Variants in TMIGD3 observed in about 807,000 individuals in gnomAD.
TMIGD3 encodes the protein AD026 protein (AD026).
A neutral mutation model predicts 28.1 loss-of-function variants in TMIGD3; 21 were observed. That is an observed-to-expected ratio of 0.75 (90% CI 0.53 to 1.08). The LOEUF (loss-of-function observed/expected upper bound fraction) is 1.08. Among genes scored for constraint, TMIGD3 ranks in the 50% least tolerant of loss-of-function variants. TMIGD3 has a pLI of 0.00. For synonymous variants in TMIGD3, 151 were observed against 162.1 expected, an observed-to-expected ratio of 0.93 and a Z score of 0.52; for missense variants, 416 against 435.6, an observed-to-expected ratio of 0.96 and a Z score of 0.40.
At chr1:111,536,019 A>G (rs76217502) in intron 1 of TMIGD3, among the ~76,000 whole-genome samples, 285 of 152,268 alleles carry the variant, frequency 1.9e-3, no homozygotes, top group Non-Finnish European at 3.6e-3. Context: ...TCAACTCTGC[A>G]AGAGAATTTC....
chr1:111,529,907 GGCCGGGC>G (rs1557837475), intron 1 of TMIGD3, among the ~76,000 whole-genome samples: 2 of 148,338 alleles, frequency 1.3e-5, no homozygotes, highest in African/African-American at 5.1e-5. Flanking sequence ...CGGGGCGGCT[GGCCGGGC>G]AGAGGGGCTC....
chr1:111,557,860 G>A (rs572151123), intron 1 of TMIGD3, among the ~76,000 whole-genome samples: 27 of 152,248 alleles, frequency 1.8e-4, no homozygotes, highest in Admixed American at 1.8e-3. Context: ...AGATTAATCT[G>A]AGTAACAGCA....
intron 1 of TMIGD3, 148 bp downstream of exon 1, chr1:111,502,857 A>G: frequency 5.0e-6 from 5 of 1,002,400 alleles, no homozygotes; most frequent in Non-Finnish European, 7.2e-6. Context: ...ACCCCCTCAC[A>G]GACCATATCA....
rs1211485093 is a variant in TMIGD3, at chr1:111,522,962, T to A, written c.108-32200A>T. Among the ~76,000 whole-genome samples the A allele has an allele frequency of 3.9e-5, 6 of 152,348 alleles. No homozygotes were observed. In the East Asian group the frequency reaches 1.2e-3, roughly 29 times the overall value. Reference sequence around the variant, plus strand: ...AGAAGTCATACTCATCCCTTTTCAATCAGAATGTCTATTACTTCTTTTTCT... The same window carrying A: ...AGAAGTCATACTCATCCCTTTTCAAACAGAATGTCTATTACTTCTTTTTCT... On this transcript the variant is annotated intron_variant, in intron 1 of 5. Transcript: ENST00000369717.
Position 111,485,726 on chromosome 1 carries a change from C to CAAAATCAA in TMIGD3, c.973+13_973+14insTTGATTTT. 8.2e-6 allele frequency: 7 copies of CAAAATCAA among 850,648 alleles called. No homozygotes were observed. Among genetic ancestry groups the CAAAATCAA allele is most frequent in the Non-Finnish European group, 1.1e-5 (6 of 522,900 alleles). The allele number at this position is 850,648 out of a possible 1,614,324, so 52.7% of individuals were successfully genotyped here. On this transcript the variant is annotated intron_variant, in intron 5 of 5. Transcript: ENST00000369716. ...AATTCTTGCCCACCCCCTCCCTCAA[C>CAAAATCAA]AATAGCTACTTACCCCTTCTATTCC...
chr1:111,516,395 G>T (rs1452664201), intron 1 of TMIGD3, among the ~76,000 whole-genome samples: 1 of 152,204 alleles, frequency 6.6e-6, no homozygotes, highest in Non-Finnish European at 1.5e-5. Flanking sequence ...GCCGGGCTTG[G>T]AGCACATCTC....
In TMIGD3 at chr1:111,489,693, C is replaced by A. The variant is rs1199915540; in HGVS notation, c.458-669G>T. 10 of 1,095,714 alleles carry A rather than the reference C, an allele frequency of 9.1e-6. No homozygotes were observed. In the Admixed American group the frequency reaches 4.4e-4, roughly 48 times the overall value. 67.9% of individuals were successfully genotyped at this position (1,095,714 alleles called of 1,614,324 possible). On this transcript the variant is annotated intron_variant, in intron 2 of 5. Transcript: ENST00000369716. The stretch of plus-strand genomic sequence containing the variant: ...TTAGGAGGCCCTCTGTCCCTAGCTC[C>A]CACCCTACCTTAGCACCCTCAGAAA...
At position 111,542,176 on chromosome 1, in the gene TMIGD3, C is replaced by T. The variant is rs1656856600; in HGVS notation, c.107+21670G>A. 3 of 464,220 alleles carry T rather than the reference C, an allele frequency of 6.5e-6. No homozygotes were observed. The Admixed American group carries it at 6.5e-5, about 10-fold the overall frequency. The allele number at this position is 464,220 out of a possible 1,614,324, so 28.8% of individuals were successfully genotyped here. A position where few individuals can be genotyped will look rare whatever the true frequency, so the allele number is the denominator to read the frequency against. On this transcript the variant is annotated intron_variant, in intron 1 of 5. Coordinates refer to the TMIGD3 transcript ENST00000369717. Reference sequence around the variant, plus strand: ...TAATTGAGTAGATGCCTTGGATAATCCTTTGAAGGAAGATCGTTTAGACCA... The same window carrying T: ...TAATTGAGTAGATGCCTTGGATAATTCTTTGAAGGAAGATCGTTTAGACCA...
chr1:111,518,161 C>T (rs1371911563), intron 1 of TMIGD3, among the ~76,000 whole-genome samples: 2 of 152,204 alleles, frequency 1.3e-5, no homozygotes, highest in African/African-American at 2.4e-5. Flanking sequence ...CAGATTGTGG[C>T]TCCCACTGTT....
chr1:111,506,932 C>T (rs561365272), upstream of TMIGD3, among the ~76,000 whole-genome samples: 2 of 129,948 alleles, frequency 1.5e-5, no homozygotes, highest in South Asian at 5.3e-4. Context: ...TATATACACA[C>T]ACACACATAT....
At chr1:111,527,110 A>G (rs1167018392) in intron 1 of TMIGD3, among the ~76,000 whole-genome samples, 3 of 132,620 alleles carry the variant, frequency 2.3e-5, no homozygotes, top group Non-Finnish European at 4.6e-5. Flanking sequence ...TCCTGGGTTT[A>G]AGTGATTCTC....
chr1:111,502,090 T>G (rs1655217059), intron 1 of TMIGD3, among the ~76,000 whole-genome samples: 1 of 134,748 alleles, frequency 7.4e-6, no homozygotes, highest in South Asian at 2.2e-4. Context: ...AATAAATATA[T>G]ATAGGAGATA....
At chr1:111,498,527 G>A (rs770766993) in intron 1 of TMIGD3, among the ~76,000 whole-genome samples, 2 of 152,212 alleles carry the variant, frequency 1.3e-5, no homozygotes, top group Non-Finnish European at 2.9e-5. Flanking sequence ...CATAATATGA[G>A]CTTGAAAGTT....
At chr1:111,502,213 TATATATTTATTATAATGAATATATAGG>T (rs1655246428) in intron 1 of TMIGD3, among the ~76,000 whole-genome samples, 1 of 35,506 alleles carries the variant, frequency 2.8e-5, no homozygotes, top group Non-Finnish European at 6.0e-5. Context: ...ATATATAGGA[TATATATTTATTATAATGAATATATAGG>T]ATATATTTAT....
Position 111,557,432 on chromosome 1 carries a change from C to T in TMIGD3, c.107+6414G>A, listed in dbSNP as rs533259751. Among the ~76,000 whole-genome samples, 9 of 152,060 alleles carry T rather than the reference C, an allele frequency of 5.9e-5. No homozygotes were observed. In the South Asian group the frequency reaches 1.9e-3, roughly 32 times the overall value. On this transcript the variant is annotated intron_variant, in intron 1 of 5. Transcript: ENST00000369717. ...GAGCATGGTGGGACCCGCCTGTAGT[C>T]CCAGCTACTCGGGAGGCTGAAGCAG...
chr1:111,539,024 A>T (rs1656732797), intron 1 of TMIGD3, among the ~76,000 whole-genome samples: 1 of 152,212 alleles, frequency 6.6e-6, no homozygotes, highest in Admixed American at 6.5e-5. Flanking sequence ...AATGGTAGTG[A>T]TATCCCAGCC....
At chr1:111,518,544 T>A (rs190295981) in intron 1 of TMIGD3, among the ~76,000 whole-genome samples, 34 of 152,256 alleles carry the variant, frequency 2.2e-4, no homozygotes, top group African/African-American at 6.5e-4. Context: ...TGAGAATCAC[T>A]CCCAGTTGAG....
intron 1 of TMIGD3, chr1:111,499,518 C>A (rs1008818063): frequency 1.1e-4 from 106 of 997,620 alleles, no homozygotes; most frequent in Middle Eastern, 5.1e-4. Context: ...TTTTCTGTTC[C>A]CAACATCTCC....
chr1:111,542,165 C>T, intron 1 of TMIGD3: 4 of 429,260 alleles, frequency 9.3e-6, no homozygotes, highest in Admixed American at 7.2e-5. Context: ...TGAGTAGATG[C>T]CTTGGATAAT....
Sources: allele counts gnomAD v4.1 joint callset (sites outside exome capture counted in the v4.1 genomes callset), GRCh38; gene constraint gnomAD v4.1.1; transcripts MANE v1.5; gene names NCBI Gene and HGNC (gene_info 2026-07-23, HGNC 2026-07-21).